The following TNNT1 variants were observed in gnomAD, a reference collection of about 807,000 sequenced individuals.
The protein encoded by TNNT1 is troponin T1, slow skeletal type, also known as troponin T, slow skeletal muscle.
A neutral mutation model predicts 50.6 loss-of-function variants in TNNT1; 53 were observed. That is an observed-to-expected ratio of 1.05 (90% CI 0.84 to 1.32). TNNT1 has a LOEUF of 1.32. TNNT1 is among the 40% of genes most tolerant of loss of function. TNNT1 has a pLI of 0.00. For synonymous variants in TNNT1, 142 were observed against 138.0 expected (o/e 1.03, Z -0.20); for missense variants, 348 against 381.7 (o/e 0.91, Z 0.74).
At chr19:55,137,003 G>A (rs2085356122) in intron 11 of TNNT1, 100 bp downstream of exon 11, 1 of 743,156 alleles carries the variant, frequency 1.3e-6, no homozygotes, top group Non-Finnish European at 2.3e-6. Flanking sequence ...CACTGGAGCT[G>A]AGACCCGGAG....
At chr19:55,140,175 C>T (rs1233455438) in intron 9 of TNNT1, among the ~76,000 whole-genome samples, 1 of 148,278 alleles carries the variant, frequency 6.7e-6, no homozygotes, top group Non-Finnish European at 1.5e-5. Context: ...AATGGAGAAT[C>T]CAGGCCGGGC....
chr19:55,149,032 A>G, intron 1 of TNNT1, 129 bp downstream of exon 1: 1 of 401,326 alleles, frequency 2.5e-6, no homozygotes, highest in South Asian at 1.7e-5. Context: ...AAGTTCCCAG[A>G]CCTCCAGTTG....
intron 11 of TNNT1, chr19:55,135,548 A>G (rs1358698883): frequency 1.0e-5 from 2 of 200,626 alleles, no homozygotes; most frequent in African/African-American, 2.9e-5. Flanking sequence ...TTTTTTTAAG[A>G]CAGAGTTTCG....
chr19:55,147,687 A>AGGGGCTGGGGGCTTGGC (rs2085601293), intron 1 of TNNT1, among the ~76,000 whole-genome samples: 1 of 45,408 alleles, frequency 2.2e-5, no homozygotes, highest in African/African-American at 8.6e-5. Flanking sequence ...TGGGGTCTGG[A>AGGGGCTGGGGGCTTGGC]CTCCTGGATC....
At chr19:55,146,289 C>T in intron 5 of TNNT1, 145 bp downstream of exon 5, 1 of 491,482 alleles carries the variant, frequency 2.0e-6, no homozygotes, top group Non-Finnish European at 3.4e-6. Context: ...CGCAGGAGCT[C>T]TCAGGGGCTT....
At chr19:55,144,676 CAG>C (rs1249969806) in intron 6 of TNNT1, among the ~76,000 whole-genome samples, 1 of 152,212 alleles carries the variant, frequency 6.6e-6, no homozygotes, top group African/African-American at 2.4e-5. Flanking sequence ...TGCAAAGGCT[CAG>C]GGGTATGAAA....
rs778513776 is a variant in TNNT1 at position 55,132,856 on chromosome 19, G to A, written c.*59C>T. On this transcript the variant is annotated 3_prime_UTR_variant, in exon 14 of 14. Transcript: ENST00000588981. ...TGTCTGAGGGGAGCGTTTATTTCAA[G>A]CTACCGATGGGACAAACACTCCCAG... The A allele has an allele frequency of 3.8e-5, 58 of 1,524,406 alleles. No homozygotes were observed. The highest frequency in any genetic ancestry group is 5.0e-5 in the Non-Finnish European group (56 of 1,117,510). The allele number at this position is 1,524,406 out of a possible 1,614,324, so 94.4% of individuals were successfully genotyped here. A position where few individuals can be genotyped will look rare whatever the true frequency, so the allele number is the denominator to read the frequency against.
intron 11 of TNNT1, chr19:55,135,519 C>A: frequency 3.9e-6 from 1 of 257,552 alleles, no homozygotes; most frequent in Non-Finnish European, 7.5e-6. Flanking sequence ...ATCCTCTCAC[C>A]TCAGCCTTTT....
At chr19:55,134,320 C>A (rs2085304304) in intron 11 of TNNT1, 116 bp from the exon 12 acceptor site, 2 of 1,079,410 alleles carry the variant, frequency 1.9e-6, no homozygotes, top group South Asian at 2.9e-5. Context: ...ATATTTGAGG[C>A]CGAGAGTTTT....
chr19:55,144,078 T>TC (rs893167718), intron 6 of TNNT1, among the ~76,000 whole-genome samples: 1 of 149,284 alleles, frequency 6.7e-6, no homozygotes, highest in Non-Finnish European at 1.5e-5. Flanking sequence ...CCCCCTTTTT[T>TC]TTTTTTTGAG....
At chr19:55,146,493 G>C (rs1599894166) in intron 4 of TNNT1, 27 bp from the exon 5 acceptor site, 1 of 1,347,378 alleles carries the variant, frequency 7.4e-7, no homozygotes, top group Non-Finnish European at 9.6e-7. Context: ...GGAGCAGCGA[G>C]GGTTTGGGGA....
At chr19:55,147,458 G>A (rs12978438) in intron 1 of TNNT1, 53 of 446,036 alleles carry the variant, frequency 1.2e-4, no homozygotes, top group African/African-American at 5.0e-4. Context: ...CTGGGGCCTG[G>A]ACTCCTGGGT....
chr19:55,132,819 G>T lies in TNNT1; in HGVS notation c.*96C>A. ...GCATCTCAACCATAATAACATCAGA[G>T]AACCCAGCGGGTGTCTGAGGGGAGC... is the stretch of plus-strand genomic sequence containing the variant. On this transcript the variant is annotated 3_prime_UTR_variant, in exon 14 of 14. Coordinates refer to ENST00000588981, the MANE Select transcript of TNNT1 (RefSeq NM_003283.6). 5 of 1,187,996 alleles carry T rather than the reference G, an allele frequency of 4.2e-6. No homozygotes were observed. In the South Asian group the frequency reaches 6.5e-5, roughly 15 times the overall value. The allele number at this position is 1,187,996 out of a possible 1,614,324, so 73.6% of individuals were successfully genotyped here. A position where few individuals can be genotyped will look rare whatever the true frequency, so the allele number is the denominator to read the frequency against.
chr19:55,145,069 G>A (rs1336268605), intron 6 of TNNT1, among the ~76,000 whole-genome samples: 2 of 150,064 alleles, frequency 1.3e-5, no homozygotes, highest in South Asian at 2.1e-4. Flanking sequence ...CAAGGTGGGA[G>A]AACTGCTTGA....
At chr19:55,144,236 T>G (rs2085508441) in intron 6 of TNNT1, among the ~76,000 whole-genome samples, 1 of 151,962 alleles carries the variant, frequency 6.6e-6, no homozygotes, top group African/African-American at 2.4e-5. Flanking sequence ...CCTGGCTAAT[T>G]CTTTTGTATT....
intron 4 of TNNT1, 67 bp from the exon 5 acceptor site, chr19:55,146,533 G>C: frequency 1.7e-6 from 2 of 1,152,846 alleles, no homozygotes; most frequent in Non-Finnish European, 2.3e-6. Context: ...GCCCGGGCGC[G>C]GGAGGGGAGA....
intron 7 of TNNT1, 41 bp from the exon 8 acceptor site, chr19:55,141,343 G>T: frequency 6.7e-7 from 1 of 1,493,128 alleles, no homozygotes; most frequent in Non-Finnish European, 9.3e-7. Context: ...AGACCCTGGA[G>T]GGGGCAGCAG....
Position 55,141,202 on chromosome 19 carries a change from G to A in TNNT1, c.293C>T (p.Ala98Val). 6.2e-7 allele frequency: 1 copy of A among 1,614,156 alleles called. No individual in the cohort carries two copies. The highest frequency in any genetic ancestry group is 2.2e-5 in the East Asian group (1 of 44,882). The change falls in exon 8 of 14, where the codon GCC becomes GTC. Residue 98 changes from alanine to valine, a missense_variant. By Grantham distance (64) the Ala-to-Val change is moderately conservative. This residue lies in a region of TNNT1 where 253 missense variants were observed against 291.8 expected (regional missense o/e 0.87). Transcript: ENST00000588981. The part of the protein sequence containing the change: ...QRKKEEEELV[A>V]LKERIERRRS... ...TCGGCTCACAATGCGCTCCTTCAAG[G>A]CAACCAGCTCCTCTTCCTCCTTCTT...
At chr19:55,145,961 C>A (rs1229268264) in intron 5 of TNNT1, among the ~76,000 whole-genome samples, 1 of 150,726 alleles carries the variant, frequency 6.6e-6, no homozygotes, top group African/African-American at 2.5e-5. Context: ...CGCTCTCTCC[C>A]CAGCTCGCCC....
Sources: allele counts gnomAD v4.1 joint callset (sites outside exome capture counted in the v4.1 genomes callset), GRCh38; gene constraint gnomAD v4.1.1; regional missense constraint gnomAD v4.1.1; transcripts MANE v1.5; gene names NCBI Gene and HGNC (gene_info 2026-07-23, HGNC 2026-07-21).